The following MAST3 variants were observed in gnomAD, a reference collection of about 807,000 sequenced individuals.
MAST3 encodes microtubule-associated serine/threonine-protein kinase 3.
In MAST3, 43 loss-of-function variants were observed where a neutral mutation model predicts 127.0. The ratio of observed to expected loss-of-function variants is 0.34; its 90% CI spans 0.27 to 0.44. The LOEUF (loss-of-function observed/expected upper bound fraction) is 0.44, where lower values mean the gene tolerates loss of function less well. Ranked by LOEUF, MAST3 falls within the 20% of genes least tolerant of loss-of-function variation. MAST3 has a pLI of 1.00. For missense variants in MAST3, 1,390 were observed against 1,919.1 expected, an observed-to-expected ratio of 0.72 and a Z score of 5.15; for synonymous variants, 785 against 809.2, an observed-to-expected ratio of 0.97 and a Z score of 0.51.
chr19:18,099,443 C>G (rs1254010599), intron 1 of MAST3, among the ~76,000 whole-genome samples: 2 of 151,376 alleles, frequency 1.3e-5, no homozygotes, highest in Admixed American at 6.6e-5. Context: ...ATAGAGAAAC[C>G]GCCTCCGGGT....
chr19:18,136,604 C>T (rs182967400), intron 18 of MAST3, among the ~76,000 whole-genome samples: 26 of 151,838 alleles, frequency 1.7e-4, no homozygotes, highest in Non-Finnish European at 2.9e-4. Context: ...TTGGTAGAGA[C>T]GAAATTGAGA....
At chr19:18,114,525 ATTATCCAGTTATTTTTCTCACCC>A (rs1480412185) in intron 3 of MAST3, among the ~76,000 whole-genome samples, 5 of 152,050 alleles carry the variant, frequency 3.3e-5, no homozygotes, top group African/African-American at 1.2e-4. Context: ...GTCTTGTGTG[ATTATCCAGTTATTTTTCTCACCC>A]AGAGGTTTGA....
intron 11 of MAST3, among the ~76,000 whole-genome samples, chr19:18,126,762 C>T (rs2040677926): frequency 1.3e-5 from 2 of 152,056 alleles, no homozygotes; most frequent in South Asian, 4.1e-4. Flanking sequence ...TAGCAAGACC[C>T]CATCTCTACA....
intron 11 of MAST3, among the ~76,000 whole-genome samples, chr19:18,126,685 C>T (rs940053057): frequency 2.2e-4 from 34 of 152,188 alleles, no homozygotes; most frequent in Non-Finnish European, 7.3e-5. Flanking sequence ...GGGAAGACTG[C>T]TTGAGCCCAG....
At chr19:18,117,969 G>T (rs947304805) in intron 3 of MAST3, 16 of 281,126 alleles carry the variant, frequency 5.7e-5, no homozygotes, top group Non-Finnish European at 8.0e-5. Context: ...CGCCCCCAAC[G>T]GCCCCGCCCC....
intron 3 of MAST3, among the ~76,000 whole-genome samples, chr19:18,113,715 G>A (rs1360447020): frequency 6.6e-6 from 1 of 152,170 alleles, no homozygotes; most frequent in African/African-American, 2.4e-5. Context: ...ACCCGCCATG[G>A]CCTCCCACAA....
chr19:18,102,592 C>T (rs1186319491), intron 1 of MAST3, among the ~76,000 whole-genome samples: 1 of 151,952 alleles, frequency 6.6e-6, no homozygotes, highest in African/African-American at 2.4e-5. Context: ...AGGGATTCTC[C>T]TGCCTCGGCC....
rs60298417 is a variant in MAST3, at chr19:18,106,966, ATTTTTTTTTTTTTTTTT to A, written c.40-607_40-591del. Among the ~76,000 whole-genome samples, 236 of 73,978 alleles carry A rather than the reference ATTTTTTTTTTTTTTTTT, an allele frequency of 3.2e-3. 4 individuals are homozygous for A. Among genetic ancestry groups the A allele is most frequent in the African/African-American group, 0.013 (213 of 16,034 alleles). 48.5% of individuals were successfully genotyped at this position (73,978 alleles called of 152,430 possible). On this transcript the variant is annotated intron_variant, in intron 1 of 27. Coordinates refer to ENST00000687212, the MANE Select transcript of MAST3 (RefSeq NM_001393504.1). Reference sequence around the variant, plus strand: ...CAGGCTTGAGCCACCATGCCCAGCAATTTTTTTTTTTTTTTTTTTTTTTTTTTTTTGTAGAGACGGGG... The same window carrying A: ...CAGGCTTGAGCCACCATGCCCAGCAATTTTTTTTTTTTTGTAGAGACGGGG...
intron 3 of MAST3, among the ~76,000 whole-genome samples, chr19:18,118,713 G>A (rs980756778): frequency 3.3e-5 from 5 of 152,148 alleles, no homozygotes; most frequent in African/African-American, 1.2e-4. Context: ...AAGCCTCACC[G>A]CTCTTGGAGT....
chr19:18,142,629 C>T (rs62123604), intron 21 of MAST3, among the ~76,000 whole-genome samples: 16,739 of 150,674 alleles, frequency 0.11, 1,144 homozygotes, highest in Admixed American at 0.15. Context: ...GGATTACAGG[C>T]GTGAGCCAAT....
At chr19:18,104,997 G>C (rs1051354535) in intron 1 of MAST3, among the ~76,000 whole-genome samples, 2 of 152,158 alleles carry the variant, frequency 1.3e-5, no homozygotes, top group African/African-American at 4.8e-5. Context: ...GGAAGAAACA[G>C]AGAATTGAAC....
chr19:18,111,185 C>G (rs888885813), intron 3 of MAST3, among the ~76,000 whole-genome samples: 1 of 152,044 alleles, frequency 6.6e-6, no homozygotes, highest in Non-Finnish European at 1.5e-5. Context: ...AGAAAAGAAC[C>G]AGGGTGACTG....
At chr19:18,109,983 C>T (rs930640995) in intron 2 of MAST3, 177 of 985,268 alleles carry the variant, frequency 1.8e-4, no homozygotes, top group Non-Finnish European at 2.1e-4. Context: ...AGTGACCGCC[C>T]TTCCCTTCCG....
chr19:18,097,806 G>A lies in MAST3; in HGVS notation c.14G>A (p.Ser5Asn), dbSNP rs1261071718. 9 of 1,225,130 alleles carry A rather than the reference G, an allele frequency of 7.3e-6. No homozygotes were observed. The highest frequency in any genetic ancestry group is 4.1e-5 in the South Asian group (1 of 24,356). 75.9% of individuals were successfully genotyped at this position (1,225,130 alleles called of 1,614,324 possible). The change falls in exon 1 of 28, where the codon AGC (serine) becomes AAC (asparagine). Residue 5 changes from serine to asparagine, a missense_variant. By Grantham distance (46) the Ser-to-Asn change is conservative (BLOSUM62 1). Transcript: ENST00000687212. ...GACTCCCGGGCCATGGACGAGTCGA[G>A]CCTCCTGCGGCGCCGCGGGCTCCAG... MDES[S>N]LLRRRGLQKE...
chr19:18,115,491 C>G (rs1268729553), intron 3 of MAST3, among the ~76,000 whole-genome samples: 1 of 152,008 alleles, frequency 6.6e-6, no homozygotes, highest in Admixed American at 6.6e-5. Context: ...ACTGTGGCCC[C>G]ATCCCCACTT....
At position 18,124,755 on chromosome 19, in the gene MAST3, G is replaced by T; in HGVS notation, c.1059G>T (p.Leu353=). Reference sequence around the variant, plus strand: ...AGTACATCATTGGGCAGCTGGGCCTGGCCAAGGACCCCCTGGAGGGTAAGC... The same window carrying T: ...AGTACATCATTGGGCAGCTGGGCCTTGCCAAGGACCCCCTGGAGGGTAAGC... The part of the protein sequence containing the change: ...LPQYIIGQLG[L]AKDPLEEMVP... The change falls in exon 11 of 28, where the codon CTG becomes CTT. Residue 353 remains leucine (L), a synonymous_variant. Coordinates refer to ENST00000687212, the MANE Select transcript of MAST3 (RefSeq NM_001393504.1). The T allele has an allele frequency of 6.2e-7, 1 of 1,601,482 alleles. No homozygotes were observed. Among genetic ancestry groups the T allele is most frequent in the Non-Finnish European group, 8.5e-7 (1 of 1,173,432 alleles).
chr19:18,123,232 C>CG lies in MAST3; in HGVS notation c.418dup (p.Glu140GlyfsTer30). ...TCTCTACCAGTCAAGCTCATCCTCCCGGGAACGTCTCCACCAGCTTCCCTT... is the reference window on the plus strand; with the variant it reads ...TCTCTACCAGTCAAGCTCATCCTCCCGGGGAACGTCTCCACCAGCTTCCCTT... On this transcript the variant is annotated frameshift_variant, in exon 7 of 28. Transcript: ENST00000687212. LOFTEE classifies it high-confidence loss of function. 6.2e-7 allele frequency: 1 copy of CG among 1,613,780 alleles called. No homozygotes were observed. The highest frequency in any genetic ancestry group is 8.5e-7 in the Non-Finnish European group (1 of 1,179,874).
chr19:18,104,661 G>A (rs897312775), intron 1 of MAST3, among the ~76,000 whole-genome samples: 7 of 152,116 alleles, frequency 4.6e-5, no homozygotes, highest in Non-Finnish European at 8.8e-5. Flanking sequence ...GATGTGTGTG[G>A]AGGGAGGGTG....
At chr19:18,113,295 T>C (rs1446566065) in intron 3 of MAST3, among the ~76,000 whole-genome samples, 1 of 149,110 alleles carries the variant, frequency 6.7e-6, no homozygotes, top group Non-Finnish European at 1.5e-5. Context: ...CCTGCCTCCT[T>C]TTTTTTTTTG....
Sources: gnomAD v4.1 joint callset for allele counts (sites outside exome capture counted in the v4.1 genomes callset) on GRCh38, gnomAD v4.1.1 for gene constraint, MANE v1.5 for transcripts, NCBI Gene and HGNC (gene_info 2026-07-23, HGNC 2026-07-21) for gene names.